The following SORCS1 variants were observed in gnomAD, a reference collection of about 807,000 sequenced individuals.
SORCS1 encodes VPS10 domain-containing receptor SorCS1.
A neutral mutation model predicts 146.1 loss-of-function variants in SORCS1; 60 were observed. That is an observed-to-expected ratio of 0.41 (90% CI 0.33 to 0.51). SORCS1 has a LOEUF of 0.51. Among genes scored for constraint, SORCS1 ranks in the 20% least tolerant of loss-of-function variants. SORCS1 has a pLI of 0.21. For synonymous variants in SORCS1, 637 were observed against 584.0 expected, an observed-to-expected ratio of 1.09 and a Z score of -1.31; for missense variants, 1,352 against 1,487.6, an observed-to-expected ratio of 0.91 and a Z score of 1.50.
chr10:107,118,677 A>C (rs1302449009), intron 1 of SORCS1, among the ~76,000 whole-genome samples: 1 of 152,188 alleles, frequency 6.6e-6, no homozygotes, highest in Non-Finnish European at 1.5e-5. Flanking sequence ...AGGTCTTTGC[A>C]CCCTTATCCA....
At chr10:106,966,754 C>T (rs1268163056) in intron 1 of SORCS1, among the ~76,000 whole-genome samples, 1 of 152,166 alleles carries the variant, frequency 6.6e-6, no homozygotes, top group African/African-American at 2.4e-5. Context: ...GTAGCTAAGA[C>T]ATAAAATCTG....
chr10:106,716,198 A>C (rs563111548), intron 6 of SORCS1, among the ~76,000 whole-genome samples: 2 of 152,220 alleles, frequency 1.3e-5, no homozygotes, highest in Non-Finnish European at 2.9e-5. Flanking sequence ...CTGCCAAATA[A>C]GTAGGGCTAC....
intron 20 of SORCS1, 92 bp from the exon 21 acceptor site, chr10:106,618,364 C>G: frequency 6.7e-7 from 1 of 1,490,914 alleles, no homozygotes; most frequent in Non-Finnish European, 9.1e-7. Flanking sequence ...GCTGTCTAAC[C>G]CAGCAGAGGC....
At chr10:107,018,021 G>C (rs1957969879) in intron 1 of SORCS1, among the ~76,000 whole-genome samples, 1 of 152,066 alleles carries the variant, frequency 6.6e-6, no homozygotes. Flanking sequence ...TCATGAGACA[G>C]GTGCCCACCC....
intron 2 of SORCS1, among the ~76,000 whole-genome samples, chr10:106,875,891 G>A (rs1950573971): frequency 1.3e-5 from 2 of 152,126 alleles, no homozygotes; most frequent in South Asian, 4.1e-4. Context: ...CCAGTTAAGT[G>A]ACACTGATGG....
chr10:106,692,412 A>T (rs760855912), intron 9 of SORCS1, among the ~76,000 whole-genome samples: 1 of 152,076 alleles, frequency 6.6e-6, no homozygotes, highest in African/African-American at 2.4e-5. Flanking sequence ...TCTGCATTAG[A>T]AGGTACAACA....
chr10:106,591,937 G>A (rs1288998687), intron 24 of SORCS1, among the ~76,000 whole-genome samples: 1 of 152,208 alleles, frequency 6.6e-6, no homozygotes, highest in Non-Finnish European at 1.5e-5. Flanking sequence ...GGTCAAGACA[G>A]CAGTGCTTCC....
chr10:106,928,485 C>T (rs1953205722), intron 2 of SORCS1, among the ~76,000 whole-genome samples: 1 of 152,246 alleles, frequency 6.6e-6, no homozygotes, highest in Admixed American at 6.5e-5. Context: ...CCCTCCACAC[C>T]TCCCTGCAAG....
intron 2 of SORCS1, among the ~76,000 whole-genome samples, chr10:106,862,634 A>G (rs1163321152): frequency 2.6e-5 from 4 of 152,162 alleles, no homozygotes; most frequent in South Asian, 4.1e-4. Flanking sequence ...CATAGGATCA[A>G]TAAAATAGTT....
At chr10:106,912,666 C>CT (rs897441806) in intron 2 of SORCS1, among the ~76,000 whole-genome samples, 1 of 151,942 alleles carries the variant, frequency 6.6e-6, no homozygotes, top group Non-Finnish European at 1.5e-5. Context: ...GCCTGCATTG[C>CT]TTTTTTTGTT....
chr10:106,753,676 G>C (rs927898907), intron 5 of SORCS1, among the ~76,000 whole-genome samples: 1 of 148,374 alleles, frequency 6.7e-6, no homozygotes, highest in Non-Finnish European at 1.5e-5. Flanking sequence ...TAATAGGCCA[G>C]GTATATTAAA....
chr10:106,636,709 T>C (rs7922320), intron 18 of SORCS1, among the ~76,000 whole-genome samples: 35,330 of 152,050 alleles, frequency 0.23, 5,136 homozygotes, highest in East Asian at 0.51. Context: ...GATTACATTT[T>C]AAGATGAGAT....
chr10:106,867,828 A>C (rs1739300704), intron 2 of SORCS1, among the ~76,000 whole-genome samples: 1 of 152,196 alleles, frequency 6.6e-6, no homozygotes, highest in South Asian at 2.1e-4. Flanking sequence ...AGCTAACAAC[A>C]CAATGACAGG....
chr10:107,129,049 A>C (rs958660461), intron 1 of SORCS1, among the ~76,000 whole-genome samples: 1 of 152,364 alleles, frequency 6.6e-6, no homozygotes, highest in South Asian at 2.1e-4. Flanking sequence ...ACTCGTACAA[A>C]TATCAAGGCA....
the SORCS1 span, among the ~76,000 whole-genome samples, chr10:107,178,684 C>T: frequency 7.9e-5 from 12 of 152,112 alleles, no homozygotes; most frequent in South Asian, 2.1e-4. Context: ...AGATAGGTTT[C>T]GCCTTGTTGG....
chr10:107,034,710 A>AAAAAAAAAAAAAAT (rs1958820130), intron 1 of SORCS1, among the ~76,000 whole-genome samples: 1 of 143,268 alleles, frequency 7.0e-6, no homozygotes, highest in Admixed American at 7.0e-5. Context: ...AAAAAAAACA[A>AAAAAAAAAAAAAAT]TGTTCATAGA....
chr10:107,063,594 A>T (rs1961447695), intron 1 of SORCS1, among the ~76,000 whole-genome samples: 1 of 152,236 alleles, frequency 6.6e-6, no homozygotes, highest in Non-Finnish European at 1.5e-5. Flanking sequence ...AAGGCAATTC[A>T]CAATCTCATG....
chr10:106,808,461 CTG>C (rs1407284072), intron 3 of SORCS1, among the ~76,000 whole-genome samples: 12 of 152,160 alleles, frequency 7.9e-5, no homozygotes, highest in Non-Finnish European at 1.8e-4. Flanking sequence ...GCACCCAAAA[CTG>C]TGTGGTTTTG....
chr10:106,775,048 A>G (rs1860322111), intron 4 of SORCS1, among the ~76,000 whole-genome samples: 1 of 152,226 alleles, frequency 6.6e-6, no homozygotes, highest in South Asian at 2.1e-4. Flanking sequence ...TGCCACAGTG[A>G]CCATGGGAGG....
Sources: allele counts gnomAD v4.1 joint callset (sites outside exome capture counted in the v4.1 genomes callset), GRCh38; gene constraint gnomAD v4.1.1; transcripts MANE v1.5; gene names NCBI Gene and HGNC (gene_info 2026-07-23, HGNC 2026-07-21).